The following NAV3 variants were observed in gnomAD, a reference collection of about 807,000 sequenced individuals.
NAV3 encodes the protein neuron navigator 3.
NAV3 carries 87 observed loss-of-function variants against 244.7 expected under a neutral mutation model. The observed-to-expected ratio is 0.36, with a 90% confidence interval of 0.30 to 0.42. The LOEUF (loss-of-function observed/expected upper bound fraction) is 0.42. Among genes scored for constraint, NAV3 ranks in the 20% least tolerant of loss-of-function variants. The pLI, the probability that NAV3 is intolerant of heterozygous loss-of-function variation, is 1.00. For synonymous variants in NAV3, 1,126 were observed against 1,042.2 expected (o/e 1.08, Z -1.55); for missense variants, 2,663 against 2,893.3 (o/e 0.92, Z 1.83).
intron 2 of NAV3, among the ~76,000 whole-genome samples, chr12:77,733,789 A>T (rs566611047): frequency 2.6e-5 from 4 of 150,958 alleles, no homozygotes; most frequent in African/African-American, 9.7e-5. Flanking sequence ...CTAATAGGCC[A>T]CTCAACTGTT....
At chr12:77,790,601 G>A (rs1871136547) in intron 2 of NAV3, among the ~76,000 whole-genome samples, 1 of 152,214 alleles carries the variant, frequency 6.6e-6, no homozygotes, top group Non-Finnish European at 1.5e-5. Context: ...TTTGATCAGG[G>A]CCCACCTTTG....
At chr12:77,913,749 T>C (rs1886852798) in intron 1 of NAV3, among the ~76,000 whole-genome samples, 2 of 152,128 alleles carry the variant, frequency 1.3e-5, no homozygotes, top group African/African-American at 2.4e-5. Context: ...TCACTTAAGC[T>C]CTATCTTCAC....
intron 23 of NAV3, 81 bp from the exon 24 acceptor site, chr12:78,168,674 A>G: frequency 1.1e-6 from 1 of 877,578 alleles, no homozygotes; most frequent in Non-Finnish European, 1.8e-6. Context: ...ATAAAATCAA[A>G]CCTTTTTAAT....
At chr12:77,783,550 T>TAG (rs1325737027) in intron 2 of NAV3, 5 of 152,200 alleles carry the variant, frequency 3.3e-5, no homozygotes, top group African/African-American at 4.8e-5. Flanking sequence ...TTTGGCTATG[T>TAG]AGAGAGTAAA....
chr12:77,839,649 C>G (rs2136151473), intron 1 of NAV3, among the ~76,000 whole-genome samples: 1 of 152,262 alleles, frequency 6.6e-6, no homozygotes. Flanking sequence ...CACTTATTAC[C>G]TACTAGTATT....
intron 2 of NAV3, among the ~76,000 whole-genome samples, chr12:77,641,657 T>C (rs888261667): frequency 2.0e-5 from 3 of 152,102 alleles, no homozygotes; most frequent in Admixed American, 2.0e-4. Context: ...TTTTCCTGGC[T>C]TCTATTTCAT....
chr12:78,194,851 T>A (rs567007885), intron 34 of NAV3, among the ~76,000 whole-genome samples: 1 of 152,086 alleles, frequency 6.6e-6, no homozygotes, highest in East Asian at 1.9e-4. Context: ...ATCAAGGTAT[T>A]ACCCAATCTT....
At chr12:77,960,722 T>C (rs1394411852) in intron 3 of NAV3, among the ~76,000 whole-genome samples, 1 of 147,484 alleles carries the variant, frequency 6.8e-6, no homozygotes, top group African/African-American at 2.5e-5. Flanking sequence ...ATATTATATA[T>C]CATACACATA....
At chr12:77,746,693 C>G (rs1285089661) in intron 2 of NAV3, among the ~76,000 whole-genome samples, 1 of 152,070 alleles carries the variant, frequency 6.6e-6, no homozygotes, top group Admixed American at 6.6e-5. Context: ...TAAAAAGTGA[C>G]ACAATGACTT....
intron 2 of NAV3, among the ~76,000 whole-genome samples, chr12:77,719,244 A>C (rs1876503292): frequency 6.6e-6 from 1 of 152,102 alleles, no homozygotes. Flanking sequence ...TTATGAGTAT[A>C]TCATCTGCAA....
At chr12:77,984,823 GT>G (rs1236366979) in intron 5 of NAV3, among the ~76,000 whole-genome samples, 11 of 147,502 alleles carry the variant, frequency 7.5e-5, no homozygotes, top group African/African-American at 1.7e-4. Flanking sequence ...TAGGTTTTTT[GT>G]TTTTTTTTTC....
intron 23 of NAV3, among the ~76,000 whole-genome samples, chr12:78,165,063 A>G (rs1263182978): frequency 2.6e-5 from 4 of 152,106 alleles, no homozygotes; most frequent in African/African-American, 9.7e-5. Flanking sequence ...AGCCTCAGAT[A>G]CATGCATAAA....
chr12:77,592,706 C>G (rs1306766402), intron 2 of NAV3, among the ~76,000 whole-genome samples: 1 of 152,178 alleles, frequency 6.6e-6, no homozygotes, highest in African/African-American at 2.4e-5. Context: ...CGCTAAATTG[C>G]TAAATTCTCC....
intron 24 of NAV3, among the ~76,000 whole-genome samples, chr12:78,173,495 TA>T (rs1477008800): frequency 6.6e-6 from 1 of 151,696 alleles, no homozygotes; most frequent in Non-Finnish European, 1.5e-5. Flanking sequence ...TTCAAAAAGC[TA>T]ATGGCCAATC....
At chr12:78,030,207 T>G (rs911544856) in intron 9 of NAV3, among the ~76,000 whole-genome samples, 1 of 152,198 alleles carries the variant, frequency 6.6e-6, no homozygotes, top group African/African-American at 2.4e-5. Flanking sequence ...AGAATAACCC[T>G]ATAAAAGAAT....
intron 2 of NAV3, among the ~76,000 whole-genome samples, chr12:77,576,158 G>A (rs1869071511): frequency 6.6e-6 from 1 of 152,066 alleles, no homozygotes; most frequent in Non-Finnish European, 1.5e-5. Flanking sequence ...TACTTCAGAA[G>A]TGACATATTC....
At chr12:77,724,608 C>A (rs1185845185) in intron 2 of NAV3, among the ~76,000 whole-genome samples, 1 of 151,594 alleles carries the variant, frequency 6.6e-6, no homozygotes, top group Admixed American at 6.6e-5. Context: ...ATGCTTTGTA[C>A]TAGTATTTTT....
chr12:78,138,110 A>G (rs569841338), intron 19 of NAV3, among the ~76,000 whole-genome samples: 4 of 152,262 alleles, frequency 2.6e-5, no homozygotes, highest in South Asian at 4.1e-4. Flanking sequence ...AAAGCATGTC[A>G]GCTAAGGATA....
At chr12:77,902,720 A>G (rs1175586674) in intron 1 of NAV3, among the ~76,000 whole-genome samples, 1 of 152,198 alleles carries the variant, frequency 6.6e-6, no homozygotes, top group African/African-American at 2.4e-5. Context: ...TTTGCAGATG[A>G]CATGATTGTA....
Sources: allele counts gnomAD v4.1 joint callset (sites outside exome capture counted in the v4.1 genomes callset), GRCh38; gene constraint gnomAD v4.1.1; transcripts MANE v1.5; gene names NCBI Gene and HGNC (gene_info 2026-07-23, HGNC 2026-07-21).